RBFOX1: variants seen among roughly 807,000 people sequenced by gnomAD.
The protein encoded by RBFOX1 is RNA binding protein fox-1 homolog 1.
RBFOX1 carries 8 observed loss-of-function variants against 57.7 expected under a neutral mutation model. The ratio of observed to expected loss-of-function variants is 0.14; its 90% confidence interval spans 0.08 to 0.25. The LOEUF is 0.25. RBFOX1 is among the 10% of genes least tolerant of loss of function. The pLI, the probability that RBFOX1 is intolerant of heterozygous loss-of-function variation, is 1.00. For missense variants in RBFOX1, 611 were observed against 548.5 expected, an observed-to-expected ratio of 1.11 and a Z score of -1.14; for synonymous variants, 326 against 222.4, an observed-to-expected ratio of 1.47 and a Z score of -4.15.
At chr16:7,684,624 G>GAA (rs35099150) in intron 14 of RBFOX1, among the ~76,000 whole-genome samples, 1 of 148,836 alleles carries the variant, frequency 6.7e-6, no homozygotes, top group East Asian at 2.0e-4. Context: ...GGAATTTAAA[G>GAA]AAAAAAAAAA....
rs191855540 is a variant in RBFOX1, at chr16:6,791,983, G to T, written c.-16+137333G>T. On this transcript the variant is annotated intron_variant, in intron 3 of 15. Coordinates refer to ENST00000550418, the MANE Select transcript of RBFOX1 (RefSeq NM_018723.4). ...TTCCCAAATGTGTCTTGGATTTATA[G>T]TCTGACTTTGAACTCTGGAGTTCTG... Among the ~76,000 whole-genome samples the T allele has an allele frequency of 6.5e-4, 99 of 152,258 alleles. 1 individual carries two copies. The highest frequency in any genetic ancestry group is 5.9e-3 in the Admixed American group (91 of 15,298).
intron 4 of RBFOX1, among the ~76,000 whole-genome samples, chr16:5,928,782 C>T (rs2058987917): frequency 6.6e-6 from 1 of 151,730 alleles, no homozygotes; most frequent in Non-Finnish European, 1.5e-5. Flanking sequence ...TTTGGTTCCA[C>T]AGTTGTCTGA....
At chr16:6,758,267 G>T (rs974278993) in intron 3 of RBFOX1, among the ~76,000 whole-genome samples, 2 of 151,892 alleles carry the variant, frequency 1.3e-5, no homozygotes, top group African/African-American at 4.8e-5. Flanking sequence ...TGCTTTGTTG[G>T]TGTAAACTAG....
chr16:7,604,906 C>G (rs921995480), intron 9 of RBFOX1, among the ~76,000 whole-genome samples: 8 of 152,118 alleles, frequency 5.3e-5, no homozygotes, highest in Non-Finnish European at 1.2e-4. Context: ...GACACCATCT[C>G]CACTACCAAT....
At chr16:5,258,882 C>T (rs1325285756) in intron 1 of RBFOX1, among the ~76,000 whole-genome samples, 6 of 151,792 alleles carry the variant, frequency 4.0e-5, no homozygotes, top group African/African-American at 7.3e-5. Flanking sequence ...CACCACTGCA[C>T]ACCAGCCTGG....
chr16:5,491,478 G>C (rs1385322370), intron 2 of RBFOX1, among the ~76,000 whole-genome samples: 1 of 152,076 alleles, frequency 6.6e-6, no homozygotes, highest in Admixed American at 6.5e-5. Context: ...AATTTTATAG[G>C]AGCACTGTTT....
chr16:6,075,012 C>T (rs75056359), intron 1 of RBFOX1, among the ~76,000 whole-genome samples: 2 of 152,120 alleles, frequency 1.3e-5, no homozygotes, highest in Admixed American at 1.3e-4. Context: ...TCAGTGCCCA[C>T]CCTGAATATC....
chr16:6,937,488 G>C (rs1038533013), intron 3 of RBFOX1, among the ~76,000 whole-genome samples: 2 of 152,082 alleles, frequency 1.3e-5, no homozygotes, highest in African/African-American at 2.4e-5. Flanking sequence ...TATTTATTCT[G>C]AGTGACATAG....
chr16:5,641,782 A>G (rs937796233), intron 3 of RBFOX1, among the ~76,000 whole-genome samples: 9 of 152,210 alleles, frequency 5.9e-5, no homozygotes, highest in Non-Finnish European at 1.2e-4. Context: ...CATGAAGACC[A>G]GTGCATCTCA....
At chr16:7,112,904 A>G (rs1041889468) in intron 4 of RBFOX1, among the ~76,000 whole-genome samples, 1 of 152,098 alleles carries the variant, frequency 6.6e-6, no homozygotes, top group African/African-American at 2.4e-5. Context: ...ACCTAATTTA[A>G]CTGATGTTTT....
At chr16:7,622,821 T>A (rs1276233540) in intron 10 of RBFOX1, among the ~76,000 whole-genome samples, 1 of 152,176 alleles carries the variant, frequency 6.6e-6, no homozygotes, top group South Asian at 2.1e-4. Flanking sequence ...AATGGAAATA[T>A]CCCTATACTT....
At chr16:7,269,997 C>G (rs1362173903) in intron 4 of RBFOX1, among the ~76,000 whole-genome samples, 2 of 152,196 alleles carry the variant, frequency 1.3e-5, no homozygotes, top group East Asian at 3.9e-4. Context: ...CCCTTTTCAT[C>G]TTGTCTGTTT....
intron 4 of RBFOX1, among the ~76,000 whole-genome samples, chr16:7,309,751 G>A (rs1265693254): frequency 6.6e-6 from 1 of 152,144 alleles, no homozygotes; most frequent in Non-Finnish European, 1.5e-5. Context: ...CTGTGGAAGG[G>A]AACGAAATTG....
At chr16:6,479,077 G>C (rs2095329132) in intron 2 of RBFOX1, among the ~76,000 whole-genome samples, 1 of 152,148 alleles carries the variant, frequency 6.6e-6, no homozygotes, top group Non-Finnish European at 1.5e-5. Context: ...ACAATAAAAT[G>C]AGGTATGCCT....
chr16:6,748,401 C>G lies in RBFOX1; in HGVS notation c.-16+93751C>G, dbSNP rs2074231322. On this transcript the variant is annotated intron_variant, in intron 3 of 15. Coordinates refer to ENST00000550418, the MANE Select transcript of RBFOX1 (RefSeq NM_018723.4). ...TTGGGGTGGGCACTGTGGCTCACAC[C>G]TATAATCCCAACACTTTGGAAGGCC... Among the ~76,000 whole-genome samples, 3 of 152,240 alleles carry G rather than the reference C, an allele frequency of 2.0e-5. No individual in the cohort carries two copies. In the South Asian group the frequency reaches 6.2e-4, roughly 32 times the overall value.
intron 5 of RBFOX1, among the ~76,000 whole-genome samples, chr16:7,524,611 G>T (rs2078264398): frequency 6.6e-6 from 1 of 152,148 alleles, no homozygotes; most frequent in South Asian, 2.1e-4. Flanking sequence ...TTTCCCACTA[G>T]CTCTAGGCCC....
At chr16:6,908,425 C>T (rs1180493176) in intron 3 of RBFOX1, among the ~76,000 whole-genome samples, 2 of 146,290 alleles carry the variant, frequency 1.4e-5, no homozygotes, top group Middle Eastern at 3.4e-3. Flanking sequence ...GACTTTTCCA[C>T]TGATACCTCT....
At chr16:7,539,475 T>G (rs1567729456) in intron 5 of RBFOX1, among the ~76,000 whole-genome samples, 1 of 152,208 alleles carries the variant, frequency 6.6e-6, no homozygotes, top group Non-Finnish European at 1.5e-5. Flanking sequence ...AGAGCGTATT[T>G]TTGCACATCT....
At chr16:7,210,729 T>C (rs1193648629) in intron 4 of RBFOX1, among the ~76,000 whole-genome samples, 1 of 152,098 alleles carries the variant, frequency 6.6e-6, no homozygotes, top group African/African-American at 2.4e-5. Flanking sequence ...ATCATTCTCA[T>C]AGTATCAATA....
Sources: allele counts gnomAD v4.1 joint callset (sites outside exome capture counted in the v4.1 genomes callset), GRCh38; gene constraint gnomAD v4.1.1; transcripts MANE v1.5; gene names NCBI Gene and HGNC (gene_info 2026-07-23, HGNC 2026-07-21).